Variants in TRA2A observed in about 807,000 individuals in gnomAD.
TRA2A encodes transformer 2 alpha homolog, also known as transformer-2 protein homolog alpha.
A neutral mutation model predicts 45.7 loss-of-function variants in TRA2A; 31 were observed. The ratio of observed to expected loss-of-function variants is 0.68; its 90% CI spans 0.51 to 0.92. TRA2A has a LOEUF of 0.92. Among genes scored for constraint, TRA2A ranks in the 40% least tolerant of loss-of-function variants. The probability of loss-of-function intolerance (pLI) is 0.00; values close to 1 mark genes in which losing one functional copy is unlikely to be tolerated. For missense variants in TRA2A, 304 were observed against 367.5 expected (o/e 0.83, Z 1.41); for synonymous variants, 132 against 126.2 (o/e 1.05, Z -0.31).
chr7:23,509,819 G>C (rs563389116), intron 4 of TRA2A, among the ~76,000 whole-genome samples: 1 of 152,086 alleles, frequency 6.6e-6, no homozygotes, highest in East Asian at 1.9e-4. Flanking sequence ...GAGGTCCAGA[G>C]TTTGAGGCTA....
chr7:23,524,752 C>G (rs1584141775), intron 1 of TRA2A, among the ~76,000 whole-genome samples: 1 of 151,448 alleles, frequency 6.6e-6, no homozygotes, highest in Non-Finnish European at 1.5e-5. Flanking sequence ...TACAGTGGCA[C>G]CTGATCTCAG....
intron 2 of TRA2A, among the ~76,000 whole-genome samples, chr7:23,520,170 C>G (rs1198915139): frequency 6.6e-6 from 1 of 152,174 alleles, no homozygotes; most frequent in Admixed American, 6.5e-5. Context: ...GAGCCAAGAT[C>G]GTGCCACTGC....
intron 2 of TRA2A, among the ~76,000 whole-genome samples, chr7:23,520,707 T>TA (rs1388847614): frequency 8.6e-5 from 8 of 93,156 alleles, no homozygotes; most frequent in Non-Finnish European, 1.6e-4. Context: ...TTTTTTTTTT[T>TA]AAAAAGAAAG....
At chr7:23,521,555 T>C in intron 2 of TRA2A, 152 bp downstream of exon 2, 1 of 861,770 alleles carries the variant, frequency 1.2e-6, no homozygotes, top group Non-Finnish European at 1.8e-6. Flanking sequence ...CAAGTCTTTG[T>C]CTGGGATATA....
intron 2 of TRA2A, among the ~76,000 whole-genome samples, chr7:23,520,683 A>ATTTTT (rs11346990): frequency 7.7e-6 from 1 of 129,724 alleles, no homozygotes; most frequent in Non-Finnish European, 1.6e-5. Flanking sequence ...GCTGTTTTAA[A>ATTTTT]TTTTTTTTTT....
intron 1 of TRA2A, among the ~76,000 whole-genome samples, chr7:23,523,255 A>G (rs1584139515): frequency 6.6e-6 from 1 of 152,270 alleles, no homozygotes; most frequent in African/African-American, 2.4e-5. Flanking sequence ...TACTCCCTTC[A>G]GTGACTATAT....
chr7:23,519,761 G>C (rs1308473705), intron 2 of TRA2A, among the ~76,000 whole-genome samples: 1 of 152,084 alleles, frequency 6.6e-6, no homozygotes, highest in Non-Finnish European at 1.5e-5. Flanking sequence ...AACTAATGAG[G>C]AAAGACCTTA....
chr7:23,506,110 G>T (rs769467372), intron 6 of TRA2A, 28 bp downstream of exon 6: 2 of 1,577,016 alleles, frequency 1.3e-6, no homozygotes, highest in South Asian at 1.1e-5. Flanking sequence ...ATCTAATTTA[G>T]AACAGAAAGC....
At chr7:23,524,035 A>G (rs960494804) in intron 1 of TRA2A, among the ~76,000 whole-genome samples, 1 of 152,230 alleles carries the variant, frequency 6.6e-6, no homozygotes, top group Non-Finnish European at 1.5e-5. Context: ...AAACACTACA[A>G]TTCTTTAATT....
chr7:23,520,842 G>C (rs1464108896), intron 2 of TRA2A, among the ~76,000 whole-genome samples: 1 of 151,854 alleles, frequency 6.6e-6, no homozygotes, highest in Non-Finnish European at 1.5e-5. Context: ...ACAGGTGCCC[G>C]CCACCCCGCC....
rs767190786 is a variant in TRA2A, at chr7:23,516,426, G to A, written c.273C>T (p.Tyr91=). 4 of 1,614,096 alleles carry A rather than the reference G, an allele frequency of 2.5e-6. No homozygotes were observed. Among genetic ancestry groups the A allele is most frequent in the Non-Finnish European group, 3.4e-6 (4 of 1,180,040 alleles). The change falls in exon 3 of 8, where the codon TAC becomes TAT. Residue 91 remains tyrosine, a synonymous_variant. Transcript: ENST00000297071. ...AATGGCTTCGGCTCCTTCGCCGCCGGTATTCTGGTGTATATGATCTACTTC... is the reference window on the plus strand; with the variant it reads ...AATGGCTTCGGCTCCTTCGCCGCCGATATTCTGGTGTATATGATCTACTTC... The part of the protein sequence containing the change: ...RSRSRSYTPE[Y]RRRRSRSHSP...
chr7:23,507,316 C>G, intron 5 of TRA2A, 104 bp downstream of exon 5: 1 of 897,166 alleles, frequency 1.1e-6, no homozygotes, highest in Non-Finnish European at 1.8e-6. Flanking sequence ...TTGCCCCTTG[C>G]CAGAATCAAT....
At chr7:23,505,900 A>G (rs1288098306) in intron 6 of TRA2A, 87 bp from the exon 7 acceptor site, 1 of 849,680 alleles carries the variant, frequency 1.2e-6, no homozygotes, top group African/African-American at 1.7e-5. Flanking sequence ...ATTCAAAATA[A>G]TAATGTACCT....
At chr7:23,531,174 G>A in intron 1 of TRA2A, 1 of 982,378 alleles carries the variant, frequency 1.0e-6, no homozygotes, top group Non-Finnish European at 1.2e-6. Context: ...TGCGGTCGTT[G>A]ACTAACCACT....
intron 2 of TRA2A, among the ~76,000 whole-genome samples, chr7:23,519,996 G>A (rs1307310278): frequency 6.6e-6 from 1 of 152,244 alleles, no homozygotes; most frequent in Non-Finnish European, 1.5e-5. Context: ...GGGAGGCCGA[G>A]GTGGGCGGAT....
In TRA2A at chr7:23,531,941, G is replaced by GCTCCA. The variant is rs1339716039; in HGVS notation, c.-122_-118dup. On this transcript the variant is annotated 5_prime_UTR_variant, in exon 1 of 8. Coordinates refer to ENST00000297071, the MANE Select transcript of TRA2A (RefSeq NM_013293.5). The stretch of plus-strand genomic sequence containing the variant: ...GAGGAAAGAGTCGGCAACCACAGCC[G>GCTCCA]CTCCACTCCACTCCCACTCGGTCGC... 47 of 1,121,602 alleles carry GCTCCA rather than the reference G, an allele frequency of 4.2e-5. No homozygotes were observed. In the East Asian group the frequency reaches 1.1e-3, roughly 26 times the overall value. The allele number at this position is 1,121,602 out of a possible 1,614,324, so 69.5% of individuals were successfully genotyped here. A position where few individuals can be genotyped will look rare whatever the true frequency, so the allele number is the denominator to read the frequency against.
At chr7:23,527,134 G>A (rs1337970722) in intron 1 of TRA2A, among the ~76,000 whole-genome samples, 1 of 152,136 alleles carries the variant, frequency 6.6e-6, no homozygotes, top group Non-Finnish European at 1.5e-5. Context: ...CTAATCTTCT[G>A]GAGTTATACA....
chr7:23,527,036 G>A (rs184466851), intron 1 of TRA2A, among the ~76,000 whole-genome samples: 205 of 152,148 alleles, frequency 1.3e-3, no homozygotes, highest in Non-Finnish European at 2.1e-3. Context: ...CTGATCAATT[G>A]TAATGTTCAA....
intron 1 of TRA2A, among the ~76,000 whole-genome samples, chr7:23,528,897 A>T (rs1790451234): frequency 6.6e-6 from 1 of 152,174 alleles, no homozygotes; most frequent in Non-Finnish European, 1.5e-5. Context: ...AAAAGGAGGC[A>T]ATAAGAAGCG....
Sources: gnomAD v4.1 joint callset for allele counts (sites outside exome capture counted in the v4.1 genomes callset) on GRCh38, gnomAD v4.1.1 for gene constraint, MANE v1.5 for transcripts, NCBI Gene and HGNC (gene_info 2026-07-23, HGNC 2026-07-21) for gene names.